DLG2: variants seen among roughly 807,000 people sequenced by gnomAD.
DLG2 encodes disks large homolog 2.
A neutral mutation model predicts 132.5 loss-of-function variants in DLG2; 45 were observed. That is an observed-to-expected ratio of 0.34 (90% confidence interval 0.27 to 0.44). The LOEUF (loss-of-function observed/expected upper bound fraction) is 0.44, where lower values mean the gene tolerates loss of function less well. Ranked by LOEUF, DLG2 falls within the 20% of genes least tolerant of loss-of-function variation. The pLI, the probability that DLG2 is intolerant of heterozygous loss-of-function variation, is 1.00. For synonymous variants in DLG2, 424 were observed against 419.6 expected (o/e 1.01, Z -0.13); for missense variants, 1,045 against 1,196.9 (o/e 0.87, Z 1.87).
At chr11:84,496,381 T>C (rs190456679) in intron 7 of DLG2, among the ~76,000 whole-genome samples, 1 of 152,254 alleles carries the variant, frequency 6.6e-6, no homozygotes, top group Admixed American at 6.5e-5. Flanking sequence ...GAGTGCTTAG[T>C]TCCCAACCAC....
intron 3 of DLG2, among the ~76,000 whole-genome samples, chr11:85,558,897 T>C (rs2077071784): frequency 6.6e-6 from 1 of 151,736 alleles, no homozygotes; most frequent in African/African-American, 2.4e-5. Context: ...TCACACAATA[T>C]ACTCAGGTAA....
At chr11:84,558,502 C>T (rs961821422) in intron 6 of DLG2, among the ~76,000 whole-genome samples, 1 of 152,092 alleles carries the variant, frequency 6.6e-6, no homozygotes, top group African/African-American at 2.4e-5. Context: ...AAACTCTAAA[C>T]CAATCAGGGC....
chr11:84,163,567 C>A, intron 8 of DLG2, 56 bp from the exon 9 acceptor site: 1 of 1,420,712 alleles, frequency 7.0e-7, no homozygotes, highest in South Asian at 1.3e-5. Flanking sequence ...GAGGAGGAGA[C>A]AGCTGCATTT....
At chr11:84,204,934 C>T (rs2096646207) in intron 8 of DLG2, among the ~76,000 whole-genome samples, 2 of 152,226 alleles carry the variant, frequency 1.3e-5, no homozygotes, top group South Asian at 4.1e-4. Flanking sequence ...GAACTCCTGA[C>T]CTCAGGTGAT....
At chr11:83,883,804 CAA>C (rs71463186) in intron 15 of DLG2, among the ~76,000 whole-genome samples, 1 of 123,518 alleles carries the variant, frequency 8.1e-6, no homozygotes. Flanking sequence ...AACATGTATA[CAA>C]AAAAAAAAAA....
intron 6 of DLG2, among the ~76,000 whole-genome samples, chr11:84,838,969 T>C (rs1255348463): frequency 1.3e-5 from 2 of 151,882 alleles, no homozygotes; most frequent in Non-Finnish European, 2.9e-5. Context: ...TGCTATTCAG[T>C]GTAATGTTGG....
intron 18 of DLG2, among the ~76,000 whole-genome samples, chr11:83,668,148 A>C (rs1450983043): frequency 6.6e-6 from 1 of 151,596 alleles, no homozygotes; most frequent in South Asian, 2.1e-4. Context: ...GCTGATGTTC[A>C]TGGAAGCAAT....
chr11:85,013,821 T>C lies in DLG2; in HGVS notation c.357+97840A>G, dbSNP rs538754997. 3.3e-5 allele frequency among the ~76,000 whole-genome samples: 5 copies of C among 152,298 alleles called. No homozygotes were observed. In the South Asian group the frequency reaches 8.3e-4, roughly 25 times the overall value. On this transcript the variant is annotated intron_variant, in intron 6 of 27. Coordinates refer to ENST00000376104, the MANE Select transcript of DLG2 (RefSeq NM_001142699.3). Reference sequence around the variant, plus strand: ...TAATGTGAAATACTGGCAGATGACGTTCATGTGAGCAGCAGTTAGGGTTTA... The same window carrying C: ...TAATGTGAAATACTGGCAGATGACGCTCATGTGAGCAGCAGTTAGGGTTTA...
intron 6 of DLG2, among the ~76,000 whole-genome samples, chr11:84,728,015 A>G (rs926950452): frequency 1.6e-4 from 25 of 152,100 alleles, no homozygotes; most frequent in African/African-American, 5.6e-4. Flanking sequence ...GGGTTTTCTA[A>G]ATATACAATC....
intron 4 of DLG2, among the ~76,000 whole-genome samples, chr11:85,180,626 T>C (rs1207547487): frequency 2.6e-5 from 4 of 151,886 alleles, no homozygotes; most frequent in Non-Finnish European, 5.9e-5. Context: ...AAAAGAAACC[T>C]GAAAATAAAA....
intron 6 of DLG2, among the ~76,000 whole-genome samples, chr11:84,595,359 C>A (rs2099554065): frequency 6.6e-6 from 1 of 152,020 alleles, no homozygotes; most frequent in African/African-American, 2.4e-5. Context: ...GTGATCCACC[C>A]ACCTCTGCCT....
intron 6 of DLG2, among the ~76,000 whole-genome samples, chr11:84,923,777 C>T (rs1159876180): frequency 2.0e-5 from 3 of 152,144 alleles, no homozygotes; most frequent in South Asian, 4.1e-4. Flanking sequence ...AAAATGTGAA[C>T]TGGGTTCCTC....
chr11:84,295,691 T>C (rs1329569249), intron 7 of DLG2, among the ~76,000 whole-genome samples: 4 of 152,218 alleles, frequency 2.6e-5, no homozygotes, highest in Non-Finnish European at 5.9e-5. Context: ...AGAGTCCTGG[T>C]TTCTACTTCT....
intron 6 of DLG2, among the ~76,000 whole-genome samples, chr11:84,574,485 G>A (rs563440659): frequency 1.3e-4 from 20 of 151,980 alleles, no homozygotes; most frequent in Middle Eastern, 6.8e-3. Flanking sequence ...TTCACTATTT[G>A]GGATCTTGAT....
intron 7 of DLG2, among the ~76,000 whole-genome samples, chr11:84,395,747 A>G (rs2098808808): frequency 6.6e-6 from 1 of 152,216 alleles, no homozygotes; most frequent in Admixed American, 6.5e-5. Context: ...ACCTCAAAAT[A>G]CCATGTTGTA....
intron 14 of DLG2, among the ~76,000 whole-genome samples, chr11:83,958,316 G>A (rs985527135): frequency 1.4e-4 from 21 of 152,254 alleles, no homozygotes; most frequent in African/African-American, 4.8e-4. Flanking sequence ...GTGAATATTA[G>A]AGTTACAGTT....
intron 3 of DLG2, among the ~76,000 whole-genome samples, chr11:85,425,903 A>G (rs1318770527): frequency 6.6e-6 from 1 of 152,202 alleles, no homozygotes; most frequent in African/African-American, 2.4e-5. Flanking sequence ...GAAAGGAGTG[A>G]CAGATGGCAC....
intron 3 of DLG2, among the ~76,000 whole-genome samples, chr11:85,558,771 T>C (rs1396564835): frequency 6.6e-6 from 1 of 151,696 alleles, no homozygotes; most frequent in African/African-American, 2.4e-5. Flanking sequence ...ATGGCAACAA[T>C]AGACATTAGA....
intron 18 of DLG2, among the ~76,000 whole-genome samples, chr11:83,705,880 C>T (rs867647025): frequency 2.4e-4 from 36 of 152,170 alleles, no homozygotes; most frequent in African/African-American, 8.7e-4. Flanking sequence ...AATAGATTTG[C>T]AGTCATCGCG....
Sources: allele counts gnomAD v4.1 joint callset (sites outside exome capture counted in the v4.1 genomes callset), GRCh38; gene constraint gnomAD v4.1.1; transcripts MANE v1.5; gene names NCBI Gene and HGNC (gene_info 2026-07-23, HGNC 2026-07-21).